The following SLC30A6 variants were observed in gnomAD, a reference collection of about 807,000 sequenced individuals.
SLC30A6 encodes the protein solute carrier family 30 member 6, also known as zinc transporter 6.
Under a neutral mutation model 63.0 loss-of-function variants are expected in SLC30A6, and 55 were observed. That is an observed-to-expected ratio of 0.87 (90% confidence interval 0.70 to 1.09). SLC30A6 has a LOEUF of 1.09. Ranked by LOEUF, SLC30A6 falls within the 50% of genes least tolerant of loss-of-function variation. SLC30A6 has a pLI of 0.00. For synonymous variants in SLC30A6, 224 were observed against 186.1 expected, an observed-to-expected ratio of 1.20 and a Z score of -1.66; for missense variants, 587 against 549.2, an observed-to-expected ratio of 1.07 and a Z score of -0.69.
chr2:32,175,185 A>G, intron 3 of SLC30A6, 134 bp from the exon 4 acceptor site: 5 of 699,466 alleles, frequency 7.1e-6, no homozygotes, highest in South Asian at 3.5e-5. Context: ...GATAACTGCC[A>G]ATATATGAGG....
At chr2:32,207,601 T>C (rs535321831) in intron 12 of SLC30A6, among the ~76,000 whole-genome samples, 328 of 151,308 alleles carry the variant, frequency 2.2e-3, no homozygotes, top group African/African-American at 7.5e-3. Flanking sequence ...GGTCTTGAAC[T>C]CCTGACCTTG....
At chr2:32,173,466 C>G (rs1438045953) in intron 2 of SLC30A6, among the ~76,000 whole-genome samples, 1 of 151,850 alleles carries the variant, frequency 6.6e-6, no homozygotes, top group Admixed American at 6.6e-5. Flanking sequence ...CTCTGCTTCC[C>G]TGGTTCAAGC....
chr2:32,212,106 A>T (rs1685304202), intron 13 of SLC30A6, among the ~76,000 whole-genome samples: 1 of 150,478 alleles, frequency 6.6e-6, no homozygotes, highest in Non-Finnish European at 1.5e-5. Context: ...TTATCTTTTA[A>T]TTTCCTTTTG....
intron 5 of SLC30A6, among the ~76,000 whole-genome samples, 164 bp downstream of exon 5, chr2:32,184,502 C>T (rs1682630213): frequency 6.6e-6 from 1 of 152,208 alleles, no homozygotes; most frequent in Admixed American, 6.5e-5. Context: ...CAGTGGCTCA[C>T]GCCTGTAATC....
intron 3 of SLC30A6, 21 bp from the exon 4 acceptor site, chr2:32,175,298 C>A: frequency 6.2e-7 from 1 of 1,607,896 alleles, no homozygotes; most frequent in South Asian, 1.1e-5. Flanking sequence ...TACTTTTAAT[C>A]ATTTTTTTGT....
intron 5 of SLC30A6, chr2:32,187,093 G>C (rs1241323129): frequency 4.3e-6 from 2 of 460,118 alleles, no homozygotes; most frequent in African/African-American, 2.0e-5. Context: ...ACTGTGGGAA[G>C]ACAGTAACTG....
rs537608531 is a variant in SLC30A6, at chr2:32,171,449, G to A, written c.90+76G>A. The A allele has an allele frequency of 6.7e-6, 8 of 1,196,778 alleles. No homozygotes were observed. In the African/African-American group the frequency reaches 1.1e-4, roughly 16 times the overall value. The allele number at this position is 1,196,778 out of a possible 1,614,324, so 74.1% of individuals were successfully genotyped here. ...ACATTGAAGAAAGATAATTTTTAAGGCCAATAGAAATCACTCCTGATCCTG... is the reference window on the plus strand; with the variant it reads ...ACATTGAAGAAAGATAATTTTTAAGACCAATAGAAATCACTCCTGATCCTG... On this transcript the variant is annotated intron_variant, in intron 2 of 13. Transcript: ENST00000282587.
rs75462249 is a variant in SLC30A6 at position 32,193,107 on chromosome 2, G to A, written c.401+154G>A. On this transcript the variant is annotated intron_variant, in intron 7 of 13. Coordinates refer to ENST00000282587, the MANE Select transcript of SLC30A6 (RefSeq NM_017964.5). ...CAAAATTCCCTAATACTAAGACTCC[G>A]TTTCTTTACTCTTAACAGTTCCCAA... is the stretch of plus-strand genomic sequence containing the variant. Among the ~76,000 whole-genome samples, 899 of 152,120 alleles carry A rather than the reference G, an allele frequency of 5.9e-3. 11 individuals carry two copies. Among genetic ancestry groups the A allele is most frequent in the African/African-American group, 0.02 (840 of 41,504 alleles).
In SLC30A6 at chr2:32,224,263, G is replaced by T. The variant is rs1686299382; in HGVS notation, c.*3550G>T. 2.0e-6 allele frequency: 1 copy of T among 499,908 alleles called. No homozygotes were observed. Among genetic ancestry groups the T allele is most frequent in the East Asian group, 3.2e-5 (1 of 31,478 alleles). The allele number at this position is 499,908 out of a possible 1,614,324, so 31.0% of individuals were successfully genotyped here. A position where few individuals can be genotyped will look rare whatever the true frequency, so the allele number is the denominator to read the frequency against. ...CCAGTTGGTGTGACCCAGACCAAAG[G>T]TAACACAAAGATGAATGAGAATTCC... On this transcript the variant is annotated 3_prime_UTR_variant, in exon 14 of 14. Coordinates refer to ENST00000282587, the MANE Select transcript of SLC30A6 (RefSeq NM_017964.5).
At chr2:32,175,920 C>T (rs926144390) in intron 4 of SLC30A6, among the ~76,000 whole-genome samples, 21 of 152,196 alleles carry the variant, frequency 1.4e-4, no homozygotes, top group Admixed American at 1.2e-3. Flanking sequence ...TTGCAGTGAG[C>T]CGAGATTGTG....
chr2:32,198,756 G>T (rs986189035), intron 10 of SLC30A6, among the ~76,000 whole-genome samples: 3 of 152,038 alleles, frequency 2.0e-5, no homozygotes, highest in Non-Finnish European at 2.9e-5. Context: ...GCTAATTTTT[G>T]TATTTTTAAT....
intron 10 of SLC30A6, among the ~76,000 whole-genome samples, chr2:32,199,881 G>A (rs1187803992): frequency 1.3e-5 from 2 of 152,064 alleles, no homozygotes; most frequent in Admixed American, 6.6e-5. Context: ...TTGGGAAGCC[G>A]AGGCGGCTGG....
At chr2:32,205,961 A>C (rs956743167) in intron 11 of SLC30A6, among the ~76,000 whole-genome samples, 9 of 151,250 alleles carry the variant, frequency 6.0e-5, no homozygotes, top group Non-Finnish European at 1.3e-4. Context: ...GAGCCACTGC[A>C]CCCGGCCTGA....
intron 10 of SLC30A6, 152 bp from the exon 11 acceptor site, chr2:32,204,438 G>T: frequency 5.5e-6 from 2 of 365,144 alleles, no homozygotes. Context: ...ATTTTTCTTT[G>T]AAATGTTTCT....
chr2:32,170,277 A>G (rs1228564263), intron 1 of SLC30A6, among the ~76,000 whole-genome samples: 1 of 152,210 alleles, frequency 6.6e-6, no homozygotes, highest in Non-Finnish European at 1.5e-5. Context: ...GTAAGGGTGA[A>G]ACATTACCTT....
intron 10 of SLC30A6, chr2:32,203,212 C>A: frequency 9.1e-7 from 1 of 1,096,536 alleles, no homozygotes; most frequent in South Asian, 1.2e-5. Flanking sequence ...GATGTTGAGT[C>A]TATATCCATC....
At chr2:32,205,206 G>A (rs1684644859) in intron 11 of SLC30A6, among the ~76,000 whole-genome samples, 1 of 152,140 alleles carries the variant, frequency 6.6e-6, no homozygotes, top group Non-Finnish European at 1.5e-5. Context: ...AGATCACAAT[G>A]TCAGTAGTTC....
At chr2:32,166,044 T>A (rs1215682325) in intron 1 of SLC30A6, 141 bp downstream of exon 1, 6 of 1,250,464 alleles carry the variant, frequency 4.8e-6, no homozygotes, top group Non-Finnish European at 7.0e-6. Context: ...CAGGAGCGGC[T>A]GTCTCCCAAA....
Position 32,197,214 on chromosome 2 carries a change from A to G in SLC30A6, c.497-130A>G, listed in dbSNP as rs530879032. The G allele has an allele frequency of 9.7e-5, 70 of 722,556 alleles. 1 individual carries two copies. The South Asian group carries it at 1.3e-3, about 14-fold the overall frequency. The allele number at this position is 722,556 out of a possible 1,614,324, so 44.8% of individuals were successfully genotyped here. ...AGAGGAAACATTTATAGATTTGAGGAGTAGCATGTTCTTTTGTAATGTTAT... is the reference window on the plus strand; with the variant it reads ...AGAGGAAACATTTATAGATTTGAGGGGTAGCATGTTCTTTTGTAATGTTAT... On this transcript the variant is annotated intron_variant, in intron 8 of 13. Transcript: ENST00000282587.
Sources: gnomAD v4.1 joint callset for allele counts (sites outside exome capture counted in the v4.1 genomes callset) on GRCh38, gnomAD v4.1.1 for gene constraint, MANE v1.5 for transcripts, NCBI Gene and HGNC (gene_info 2026-07-23, HGNC 2026-07-21) for gene names.